The following B3GALT1 variants were observed in gnomAD, a reference collection of about 807,000 sequenced individuals.
B3GALT1 encodes the protein beta-1,3-galactosyltransferase 1, also known as UDP-Gal:betaGlcNAc beta 1,3-galactosyltransferase, polypeptide 1.
B3GALT1 carries 10 observed loss-of-function variants against 23.2 expected under a neutral mutation model. The ratio of observed to expected loss-of-function variants is 0.43; its 90% confidence interval spans 0.27 to 0.73. The LOEUF is 0.73. Ranked by LOEUF, B3GALT1 falls within the 30% of genes least tolerant of loss-of-function variation. B3GALT1 has a pLI of 0.21. For synonymous variants in B3GALT1, 156 were observed against 141.5 expected, an observed-to-expected ratio of 1.10 and a Z score of -0.73; for missense variants, 299 against 405.4, an observed-to-expected ratio of 0.74 and a Z score of 2.25.
At chr2:167,390,743 C>T (rs1330779963) in intron 1 of B3GALT1, among the ~76,000 whole-genome samples, 1 of 152,104 alleles carries the variant, frequency 6.6e-6, no homozygotes, top group East Asian at 1.9e-4. Flanking sequence ...ACTAATGTCT[C>T]TTGAGGGAAG....
intron 3 of B3GALT1, among the ~76,000 whole-genome samples, chr2:167,655,799 T>A (rs1685946068): frequency 6.6e-6 from 1 of 152,194 alleles, no homozygotes; most frequent in Non-Finnish European, 1.5e-5. Context: ...TACTGTTTTA[T>A]ATTGTCTAGT....
intron 3 of B3GALT1, among the ~76,000 whole-genome samples, chr2:167,782,961 G>C (rs1688273416): frequency 6.6e-6 from 1 of 152,144 alleles, no homozygotes; most frequent in South Asian, 2.1e-4. Context: ...TGATTTATTG[G>C]ATCACTAGGG....
At chr2:167,807,321 C>A (rs1366435546) in intron 3 of B3GALT1, among the ~76,000 whole-genome samples, 1 of 152,176 alleles carries the variant, frequency 6.6e-6, no homozygotes, top group Non-Finnish European at 1.5e-5. Context: ...TCCTTCAGTT[C>A]TGCTCTGATC....
intron 2 of B3GALT1, among the ~76,000 whole-genome samples, chr2:167,585,227 C>G (rs1684567432): frequency 6.6e-6 from 1 of 152,174 alleles, no homozygotes; most frequent in Non-Finnish European, 1.5e-5. Flanking sequence ...AAAGGCTAAT[C>G]AGAGCTCTTG....
chr2:167,440,362 AAAG>A (rs1485201134), intron 1 of B3GALT1, among the ~76,000 whole-genome samples: 4 of 148,628 alleles, frequency 2.7e-5, no homozygotes, highest in African/African-American at 7.8e-5. Flanking sequence ...AAAAAAAAAA[AAAG>A]AAATAATTTA....
chr2:167,550,828 G>C (rs998087104), intron 2 of B3GALT1, among the ~76,000 whole-genome samples: 1 of 152,180 alleles, frequency 6.6e-6, no homozygotes, highest in Non-Finnish European at 1.5e-5. Flanking sequence ...GCTTGAGCAC[G>C]TGCATTAAGT....
chr2:167,605,296 A>C (rs528155389), intron 2 of B3GALT1, among the ~76,000 whole-genome samples: 2 of 152,344 alleles, frequency 1.3e-5, no homozygotes, highest in African/African-American at 4.8e-5. Flanking sequence ...TGGCTTCAAA[A>C]AACAAAACTC....
At chr2:167,718,257 C>T (rs1687181931) in intron 3 of B3GALT1, among the ~76,000 whole-genome samples, 1 of 150,796 alleles carries the variant, frequency 6.6e-6, no homozygotes, top group Admixed American at 6.6e-5. Context: ...GGTTATTAAA[C>T]AGGATTTATC....
intron 3 of B3GALT1, among the ~76,000 whole-genome samples, chr2:167,704,853 A>G (rs1558954300): frequency 6.6e-6 from 1 of 152,310 alleles, no homozygotes; most frequent in East Asian, 1.9e-4. Context: ...TGATTTATTT[A>G]CTATGTCAAA....
At chr2:167,714,387 T>A in intron 3 of B3GALT1, 2 of 1,519,464 alleles carry the variant, frequency 1.3e-6, no homozygotes, top group Non-Finnish European at 1.8e-6. Flanking sequence ...TTCCCTGGGC[T>A]GCTTGGGCTT....
chr2:167,658,193 A>G (rs1397864794), intron 3 of B3GALT1, among the ~76,000 whole-genome samples: 1 of 152,106 alleles, frequency 6.6e-6, no homozygotes, highest in Non-Finnish European at 1.5e-5. Context: ...CTTCCATTCT[A>G]TTTGAGGGAG....
chr2:167,636,746 A>G (rs1487837819), intron 2 of B3GALT1, among the ~76,000 whole-genome samples: 1 of 152,148 alleles, frequency 6.6e-6, no homozygotes, highest in Non-Finnish European at 1.5e-5. Flanking sequence ...CAGAAAGCCA[A>G]ACACCGCATG....
chr2:167,322,100 C>A (rs966379922), intron 1 of B3GALT1, among the ~76,000 whole-genome samples: 7 of 151,892 alleles, frequency 4.6e-5, no homozygotes, highest in Non-Finnish European at 1.0e-4. Context: ...AGGCGCACTT[C>A]CTCAAAGAAA....
At chr2:167,350,494 T>C (rs932528490) in intron 1 of B3GALT1, among the ~76,000 whole-genome samples, 2 of 152,240 alleles carry the variant, frequency 1.3e-5, no homozygotes, top group Non-Finnish European at 2.9e-5. Flanking sequence ...AAGAAGATCC[T>C]TGTGCTCAGC....
chr2:167,394,756 A>C (rs115685413), intron 1 of B3GALT1, among the ~76,000 whole-genome samples: 4 of 152,210 alleles, frequency 2.6e-5, no homozygotes, highest in African/African-American at 7.2e-5. Flanking sequence ...AGAGACCAGA[A>C]GACAAAATTG....
chr2:167,656,770 T>G (rs1685962338), intron 3 of B3GALT1, among the ~76,000 whole-genome samples: 1 of 152,184 alleles, frequency 6.6e-6, no homozygotes, highest in African/African-American at 2.4e-5. Context: ...TTGGACCATA[T>G]TCCCTTAATA....
chr2:167,717,372 G>A (rs1687167700), intron 3 of B3GALT1, among the ~76,000 whole-genome samples: 1 of 151,728 alleles, frequency 6.6e-6, no homozygotes, highest in Admixed American at 6.6e-5. Context: ...CATGTGCCAT[G>A]TTGGTGTGCG....
intron 1 of B3GALT1, among the ~76,000 whole-genome samples, chr2:167,424,392 G>A (rs970474989): frequency 6.6e-6 from 1 of 152,164 alleles, no homozygotes; most frequent in Admixed American, 6.6e-5. Flanking sequence ...ACTGGCAGAC[G>A]AGCATAATAT....
At chr2:167,449,972 C>T (rs1183889634) in intron 1 of B3GALT1, among the ~76,000 whole-genome samples, 3 of 152,056 alleles carry the variant, frequency 2.0e-5, no homozygotes, top group African/African-American at 7.2e-5. Context: ...ATCTTTTTGA[C>T]ACGCTTTTGG....
Sources: allele counts gnomAD v4.1 joint callset (sites outside exome capture counted in the v4.1 genomes callset), GRCh38; gene constraint gnomAD v4.1.1; transcripts MANE v1.5; gene names NCBI Gene and HGNC (gene_info 2026-07-23, HGNC 2026-07-21).